The following HNRNPC variants were observed in gnomAD, a reference collection of about 807,000 sequenced individuals.
HNRNPC encodes heterogeneous nuclear ribonucleoprotein C, also known as heterogeneous nuclear ribonucleoproteins C1/C2.
Under a neutral mutation model 33.2 loss-of-function variants are expected in HNRNPC, and 3 were observed. The observed-to-expected ratio is 0.09, with a 90% CI of 0.04 to 0.23. The LOEUF (loss-of-function observed/expected upper bound fraction) is 0.23, where lower values mean the gene tolerates loss of function less well. Ranked by LOEUF, HNRNPC falls within the 10% of genes least tolerant of loss-of-function variation. The pLI is 1.00. For synonymous variants in HNRNPC, 121 were observed against 126.7 expected (o/e 0.96, Z 0.30); for missense variants, 143 against 366.7 (o/e 0.39, Z 4.98).
intron 2 of HNRNPC, among the ~76,000 whole-genome samples, chr14:21,235,525 C>T (rs1894605194): frequency 6.6e-6 from 1 of 152,168 alleles, no homozygotes; most frequent in Non-Finnish European, 1.5e-5. Context: ...CCAAATCTTT[C>T]TGAAATTCAA....
chr14:21,227,436 T>C (rs539906005), intron 5 of HNRNPC, among the ~76,000 whole-genome samples: 35 of 152,332 alleles, frequency 2.3e-4, no homozygotes, highest in African/African-American at 6.5e-4. Context: ...GTTAGAACAA[T>C]AGAAGACATT....
intron 5 of HNRNPC, among the ~76,000 whole-genome samples, chr14:21,220,436 C>T (rs1361612526): frequency 6.6e-6 from 1 of 152,140 alleles, no homozygotes; most frequent in Non-Finnish European, 1.5e-5. Context: ...ACCATGTTAG[C>T]CAGGCTGGTC....
At chr14:21,214,971 C>G (rs771820269) in intron 5 of HNRNPC, among the ~76,000 whole-genome samples, 1 of 152,156 alleles carries the variant, frequency 6.6e-6, no homozygotes, top group African/African-American at 2.4e-5. Context: ...CACCGGCACC[C>G]GTATCTAAAC....
At chr14:21,264,916 C>G (rs903379331) in intron 1 of HNRNPC, 8 of 152,072 alleles carry the variant, frequency 5.3e-5, no homozygotes, top group Non-Finnish European at 1.2e-4. Flanking sequence ...ACTTAGCAGT[C>G]TGAGGAGCGA....
At chr14:21,222,094 A>C (rs1892892764) in intron 5 of HNRNPC, among the ~76,000 whole-genome samples, 1 of 151,272 alleles carries the variant, frequency 6.6e-6, no homozygotes, top group South Asian at 2.1e-4. Flanking sequence ...AAGACATTCA[A>C]TATTTTTAAA....
At chr14:21,257,825 T>C (rs930928396) in intron 2 of HNRNPC, among the ~76,000 whole-genome samples, 2 of 152,174 alleles carry the variant, frequency 1.3e-5, no homozygotes, top group Admixed American at 6.6e-5. Flanking sequence ...CCTCCCAAAG[T>C]GCTGGGATTA....
chr14:21,222,574 T>C (rs2139554628), intron 5 of HNRNPC, among the ~76,000 whole-genome samples: 1 of 152,234 alleles, frequency 6.6e-6, no homozygotes, highest in Admixed American at 6.5e-5. Flanking sequence ...TGATGGACAT[T>C]TGAGTTTTTC....
At chr14:21,248,325 G>GA (rs2138878864) in intron 2 of HNRNPC, among the ~76,000 whole-genome samples, 1 of 152,264 alleles carries the variant, frequency 6.6e-6, no homozygotes, top group African/African-American at 2.4e-5. Context: ...TTACAGGCGT[G>GA]AGCCCCTGCA....
intron 2 of HNRNPC, among the ~76,000 whole-genome samples, chr14:21,241,786 A>T (rs1238128311): frequency 6.6e-6 from 1 of 152,256 alleles, no homozygotes; most frequent in Non-Finnish European, 1.5e-5. Flanking sequence ...AATCAAAAAC[A>T]GTATCTCAAG....
chr14:21,254,933 C>CAAA (rs78136622), intron 2 of HNRNPC, among the ~76,000 whole-genome samples: 2 of 133,088 alleles, frequency 1.5e-5, no homozygotes, highest in African/African-American at 5.6e-5. Flanking sequence ...AAAAAAAAAA[C>CAAA]AAAAAAAAAA....
At chr14:21,220,238 G>GT (rs72295427) in intron 5 of HNRNPC, among the ~76,000 whole-genome samples, 27,155 of 139,708 alleles carry the variant, frequency 0.19, 3,031 homozygotes, top group Admixed American at 0.28. Flanking sequence ...TCTATTTCTG[G>GT]TTTTTTTTTT....
At chr14:21,254,060 CAAAAA>C (rs575132536) in intron 2 of HNRNPC, among the ~76,000 whole-genome samples, 4 of 52,004 alleles carry the variant, frequency 7.7e-5, no homozygotes, top group African/African-American at 1.4e-4. Flanking sequence ...GATTCCGTCT[CAAAAA>C]AAAAAAAAAA....
intron 5 of HNRNPC, among the ~76,000 whole-genome samples, chr14:21,227,104 G>T (rs1334829948): frequency 4.6e-5 from 7 of 152,016 alleles, no homozygotes; most frequent in Admixed American, 6.6e-5. Flanking sequence ...TTTCTAAGTT[G>T]TTATTCCACC....
intron 5 of HNRNPC, among the ~76,000 whole-genome samples, chr14:21,221,863 T>C (rs1163042743): frequency 3.3e-5 from 5 of 151,384 alleles, no homozygotes; most frequent in African/African-American, 1.2e-4. Flanking sequence ...CTGGCAAACA[T>C]GGTGAAACCA....
chr14:21,245,635 C>T (rs1439473711), intron 2 of HNRNPC, among the ~76,000 whole-genome samples: 6 of 152,138 alleles, frequency 3.9e-5, no homozygotes, highest in African/African-American at 1.4e-4. Context: ...TTACCATACA[C>T]TACTGTGGAC....
intron 1 of HNRNPC, among the ~76,000 whole-genome samples, chr14:21,267,689 G>A (rs1835663641): frequency 6.6e-6 from 1 of 152,040 alleles, no homozygotes; most frequent in African/African-American, 2.4e-5. Context: ...AAACAGTTTC[G>A]GATATTAACT....
At chr14:21,227,198 C>T (rs538551209) in intron 5 of HNRNPC, among the ~76,000 whole-genome samples, 3 of 151,748 alleles carry the variant, frequency 2.0e-5, no homozygotes, top group African/African-American at 7.3e-5. Context: ...TGCCCCTCTC[C>T]CCACTAAACA....
At position 21,211,826 on chromosome 14, in the gene HNRNPC, T is replaced by C. The variant is rs1196282942; in HGVS notation, c.621A>G (p.Glu207=). ...CCCATTTACCTGCTTGTTTGCTCTG[T>C]TCCTTTTCAATTTTTTCCAGGTTTT... ...LLENLEKIEK[E]QSKQAVEMKN... Residue 207 remains glutamate (E), a synonymous_variant, in exon 7 of 9, where the codon GAA becomes GAG. Coordinates refer to ENST00000553300, the MANE Select transcript of HNRNPC (RefSeq NM_004500.4). 6.2e-7 allele frequency: 1 copy of C among 1,612,276 alleles called. No homozygotes were observed. Among genetic ancestry groups the C allele is most frequent in the Non-Finnish European group, 8.5e-7 (1 of 1,179,794 alleles).
At chr14:21,241,751 A>G (rs1227148687) in intron 2 of HNRNPC, among the ~76,000 whole-genome samples, 1 of 152,208 alleles carries the variant, frequency 6.6e-6, no homozygotes, top group East Asian at 1.9e-4. Flanking sequence ...AATTTGCTGA[A>G]CTGCCAAGAA....
Sources: allele counts gnomAD v4.1 joint callset (sites outside exome capture counted in the v4.1 genomes callset), GRCh38; gene constraint gnomAD v4.1.1; transcripts MANE v1.5; gene names NCBI Gene and HGNC (gene_info 2026-07-23, HGNC 2026-07-21).